CLEC2L: variants seen among roughly 807,000 people sequenced by gnomAD.
The protein encoded by CLEC2L is C-type lectin domain family 2 member L.
A neutral mutation model predicts 23.6 loss-of-function variants in CLEC2L; 14 were observed. The ratio of observed to expected loss-of-function variants is 0.59; its 90% confidence interval spans 0.39 to 0.93. CLEC2L has a LOEUF of 0.93. Ranked by LOEUF, CLEC2L falls within the 40% of genes least tolerant of loss-of-function variation. The pLI, the probability that CLEC2L is intolerant of heterozygous loss-of-function variation, is 0.00. For synonymous variants in CLEC2L, 114 were observed against 121.3 expected, an observed-to-expected ratio of 0.94 and a Z score of 0.40; for missense variants, 264 against 282.4, an observed-to-expected ratio of 0.93 and a Z score of 0.47.
chr7:139,536,379 T>A, intron 2 of CLEC2L, 31 bp downstream of exon 2: 1 of 1,532,894 alleles, frequency 6.5e-7, no homozygotes. Context: ...ATTTATGCAT[T>A]CAGTTTGCAC....
chr7:139,540,978 G>A lies in CLEC2L; in HGVS notation c.432+491G>A, dbSNP rs1053365969. Among the ~76,000 whole-genome samples the A allele has an allele frequency of 2.0e-5, 3 of 152,152 alleles. No homozygotes were observed. The highest frequency in any genetic ancestry group is 6.5e-5 in the Admixed American group (1 of 15,268). ...GGGCTGAGGCAGGAGGATCACAGGA[G>A]TTCGAGGCCAGCCTGGGTAACATAG... On this transcript the variant is annotated intron_variant, in intron 3 of 4. Transcript: ENST00000422142. This position sits in a 1 kb window ranked among gnomAD's most constrained non-coding sequence, Gnocchi z 5.8.
intron 1 of CLEC2L, 123 bp from the exon 2 acceptor site, chr7:139,536,151 A>C (rs1332033004): frequency 4.2e-6 from 3 of 720,850 alleles, no homozygotes; most frequent in Non-Finnish European, 6.8e-6. Flanking sequence ...AACAACAACA[A>C]CAACAAAACA....
chr7:139,523,947 C>A lies in CLEC2L; in HGVS notation c.20C>A (p.Pro7His). The A allele has an allele frequency of 1.0e-6, 1 of 973,014 alleles. No individual in the cohort carries two copies. The highest frequency in any genetic ancestry group is 1.2e-6 in the Non-Finnish European group (1 of 821,752). 60.3% of individuals were successfully genotyped at this position (973,014 alleles called of 1,614,324 possible). Residue 7 changes from proline to histidine, a missense_variant, in exon 1 of 5, where the codon CCC becomes CAC. Pro to His is a moderately conservative substitution (Grantham distance 77, BLOSUM62 -2). Coordinates refer to ENST00000422142, the MANE Select transcript of CLEC2L (RefSeq NM_001080511.4). This position sits in a 1 kb window ranked among gnomAD's most constrained non-coding sequence, Gnocchi z 4.1. MEPARE[P>H]PSRARPPPPL... ...CCCCGCATGGAGCCGGCCCGGGAGC[C>A]CCCCTCGCGGGCCCGGCCGCCGCCG...
At chr7:139,525,482 A>C (rs1797494262) in intron 1 of CLEC2L, among the ~76,000 whole-genome samples, 1 of 151,840 alleles carries the variant, frequency 6.6e-6, no homozygotes, top group African/African-American at 2.4e-5. Flanking sequence ...GTCACCAAGG[A>C]GAAGAGCTGT....
chr7:139,538,459 A>C (rs71543335), intron 2 of CLEC2L, among the ~76,000 whole-genome samples: 1 of 139,976 alleles, frequency 7.1e-6, no homozygotes, highest in Non-Finnish European at 1.5e-5. Context: ...AACAAAAAAC[A>C]AAAAAAGGTC....
intron 2 of CLEC2L, among the ~76,000 whole-genome samples, chr7:139,538,235 C>T (rs925369937): frequency 1.3e-5 from 2 of 151,586 alleles, no homozygotes; most frequent in Admixed American, 1.3e-4. Context: ...GAGTTCAAGA[C>T]CAGCCTGGCC....
At chr7:139,534,238 G>A (rs902069443) in intron 1 of CLEC2L, 5 of 1,025,434 alleles carry the variant, frequency 4.9e-6, no homozygotes, top group East Asian at 2.4e-5. Flanking sequence ...AGAGTTTGGC[G>A]CGATGTCTCA....
At chr7:139,536,448 C>A in intron 2 of CLEC2L, 100 bp downstream of exon 2, 2 of 1,022,194 alleles carry the variant, frequency 2.0e-6, no homozygotes, top group African/African-American at 1.6e-5. Flanking sequence ...TTCCAAGAAT[C>A]CTGTGGGGGA....
At chr7:139,536,976 C>CAAA (rs1159255018) in intron 2 of CLEC2L, among the ~76,000 whole-genome samples, 64 of 37,080 alleles carry the variant, frequency 1.7e-3, no homozygotes, top group African/African-American at 2.4e-3. Flanking sequence ...GACTCCATCT[C>CAAA]AAAAAAAAAA....
intron 1 of CLEC2L, among the ~76,000 whole-genome samples, chr7:139,530,759 G>A (rs537266977): frequency 5.7e-4 from 83 of 145,770 alleles, no homozygotes; most frequent in Non-Finnish European, 8.9e-4. Flanking sequence ...GTTGCAGTGA[G>A]CTGAGATCGC....
intron 1 of CLEC2L, among the ~76,000 whole-genome samples, chr7:139,526,254 G>T (rs777567432): frequency 3.3e-5 from 5 of 152,150 alleles, no homozygotes; most frequent in Admixed American, 2.6e-4. Context: ...AGAGGGAAAG[G>T]TGTCCCAGAC....
chr7:139,541,915 G>T, intron 3 of CLEC2L, 106 bp from the exon 4 acceptor site: 1 of 759,468 alleles, frequency 1.3e-6, no homozygotes, highest in Non-Finnish European at 2.3e-6. Flanking sequence ...CCTGGCGTCT[G>T]TACATCCCGA....
chr7:139,534,818 T>C (rs1797629640), intron 1 of CLEC2L, among the ~76,000 whole-genome samples: 1 of 152,146 alleles, frequency 6.6e-6, no homozygotes, highest in South Asian at 2.1e-4. Context: ...CAATTAATGT[T>C]GGTTCCAGTC....
intron 1 of CLEC2L, among the ~76,000 whole-genome samples, chr7:139,526,364 G>A (rs1241610525): frequency 1.3e-5 from 2 of 152,006 alleles, no homozygotes; most frequent in Non-Finnish European, 2.9e-5. Context: ...AGAGAGAGAC[G>A]GGTCTGGCGG....
chr7:139,524,232 G>C, intron 1 of CLEC2L, 115 bp downstream of exon 1: 2 of 1,044,468 alleles, frequency 1.9e-6, no homozygotes, highest in Non-Finnish European at 2.3e-6. Flanking sequence ...AGCGCTGGGA[G>C]CGCGGCGCCG....
At chr7:139,524,855 C>T (rs1797483888) in intron 1 of CLEC2L, among the ~76,000 whole-genome samples, 1 of 152,108 alleles carries the variant, frequency 6.6e-6, no homozygotes, top group Non-Finnish European at 1.5e-5. Flanking sequence ...ACCCTGAATC[C>T]AAGGACAAGG....
chr7:139,541,929 C>G lies in CLEC2L; in HGVS notation c.433-92C>G. On this transcript the variant is annotated intron_variant, in intron 3 of 4. Coordinates refer to ENST00000422142, the MANE Select transcript of CLEC2L (RefSeq NM_001080511.4). ...TCCTGGCGTCTGTACATCCCGAGAG[C>G]CAGTATCTTCCAAGCTGAGGTTTGT... 2 of 826,854 alleles carry G rather than the reference C, an allele frequency of 2.4e-6. 1 individual carries two copies. Among genetic ancestry groups the G allele is most frequent in the Non-Finnish European group, 4.0e-6 (2 of 495,524 alleles). 51.2% of individuals were successfully genotyped at this position (826,854 alleles called of 1,614,324 possible).
At chr7:139,528,344 G>A (rs900506051) in intron 1 of CLEC2L, among the ~76,000 whole-genome samples, 10 of 152,076 alleles carry the variant, frequency 6.6e-5, no homozygotes, top group South Asian at 2.1e-4. Context: ...GTATTAGTCC[G>A]TTCTCACACT....
intron 1 of CLEC2L, among the ~76,000 whole-genome samples, chr7:139,530,588 G>A (rs913725689): frequency 1.3e-5 from 2 of 152,068 alleles, no homozygotes; most frequent in African/African-American, 2.4e-5. Flanking sequence ...CGAGGCTGGC[G>A]GATCACCTGA....
Sources: allele counts gnomAD v4.1 joint callset (sites outside exome capture counted in the v4.1 genomes callset), GRCh38; gene constraint gnomAD v4.1.1; non-coding constraint Gnocchi (gnomAD v3.1); transcripts MANE v1.5; gene names NCBI Gene and HGNC (gene_info 2026-07-23, HGNC 2026-07-21).